Variants in JAZF1 observed in about 807,000 individuals in gnomAD.
JAZF1 encodes juxtaposed with another zinc finger protein 1.
JAZF1 carries 8 observed loss-of-function variants against 26.4 expected under a neutral mutation model. The ratio of observed to expected loss-of-function variants is 0.30; its 90% confidence interval spans 0.18 to 0.55. The LOEUF (loss-of-function observed/expected upper bound fraction) is 0.55, where lower values mean the gene tolerates loss of function less well. Among genes scored for constraint, JAZF1 ranks in the 20% least tolerant of loss-of-function variants. The pLI is 0.94. For missense variants in JAZF1, 199 were observed against 322.0 expected, an observed-to-expected ratio of 0.62 and a Z score of 2.92; for synonymous variants, 126 against 122.3, an observed-to-expected ratio of 1.03 and a Z score of -0.20.
At position 27,833,044 on chromosome 7, in the gene JAZF1, A is replaced by G. The variant is rs185492546; in HGVS notation, c.556-68T>C. On this transcript the variant is annotated intron_variant, in intron 4 of 4. Transcript: ENST00000283928. ...TACCTGTCAAACTTCGGAAACCTCA[A>G]TTTGGGTCTGGATTGCAGTTCCTGG... 1.9e-5 allele frequency: 25 copies of G among 1,338,932 alleles called. No homozygotes were observed. In the Admixed American group the frequency reaches 2.9e-4, roughly 15 times the overall value. The allele number at this position is 1,338,932 out of a possible 1,614,324, so 82.9% of individuals were successfully genotyped here.
intron 2 of JAZF1, among the ~76,000 whole-genome samples, chr7:27,897,737 T>C (rs1182836263): frequency 1.3e-5 from 2 of 152,194 alleles, no homozygotes; most frequent in Admixed American, 6.5e-5. Flanking sequence ...TTGGCTCCTA[T>C]GGGGCGTGAG....
intron 1 of JAZF1, among the ~76,000 whole-genome samples, chr7:28,063,497 C>A (rs1783832501): frequency 6.6e-6 from 1 of 151,934 alleles, no homozygotes; most frequent in Admixed American, 6.6e-5. Flanking sequence ...AAATTTCCTC[C>A]AAAAAAATCA....
At chr7:27,852,197 T>C (rs1040302174) in intron 3 of JAZF1, among the ~76,000 whole-genome samples, 2 of 151,534 alleles carry the variant, frequency 1.3e-5, no homozygotes, top group South Asian at 4.2e-4. Context: ...AGTGGAGCGA[T>C]CTGAGCTCAC....
In JAZF1 at chr7:27,986,126, G is replaced by GAGAA. The variant is rs540570652; in HGVS notation, c.188+5779_188+5782dup. Among the ~76,000 whole-genome samples, 153 of 152,308 alleles carry GAGAA rather than the reference G, an allele frequency of 1.0e-3. 1 individual carries two copies. Among genetic ancestry groups the GAGAA allele is most frequent in the African/African-American group, 3.3e-3 (139 of 41,566 alleles). ...AGCTCTGGCCAGGGCAATCAGGCAAGAGAAAGAAATAAAGGGTATTCAATT... is the reference window on the plus strand; with the variant it reads ...AGCTCTGGCCAGGGCAATCAGGCAAGAGAAAGAAAGAAATAAAGGGTATTCAATT... On this transcript the variant is annotated intron_variant, in intron 2 of 4. Transcript: ENST00000283928.
At chr7:28,110,615 A>AAAAGGG (rs1784645470) in intron 1 of JAZF1, among the ~76,000 whole-genome samples, 1 of 128,446 alleles carries the variant, frequency 7.8e-6, no homozygotes, top group African/African-American at 3.0e-5. Context: ...AAAGGAAAGG[A>AAAAGGG]AAAGGAAAGG....
chr7:28,126,009 C>T (rs1457697770), intron 1 of JAZF1, among the ~76,000 whole-genome samples: 1 of 152,090 alleles, frequency 6.6e-6, no homozygotes, highest in Non-Finnish European at 1.5e-5. Flanking sequence ...CAAACAAATT[C>T]CCTACAAGAC....
intron 1 of JAZF1, among the ~76,000 whole-genome samples, chr7:28,177,894 G>T (rs1457134547): frequency 6.6e-6 from 1 of 152,110 alleles, no homozygotes; most frequent in Admixed American, 6.5e-5. Flanking sequence ...TTCTTCTTAA[G>T]ATCAGTTCTT....
chr7:27,928,632 G>C (rs1340225295), intron 2 of JAZF1, among the ~76,000 whole-genome samples: 1 of 152,166 alleles, frequency 6.6e-6, no homozygotes, highest in Non-Finnish European at 1.5e-5. Context: ...CCTTCTAACA[G>C]AGCAAGCACA....
chr7:28,146,958 A>T (rs1583584852), intron 1 of JAZF1, among the ~76,000 whole-genome samples: 4 of 151,074 alleles, frequency 2.6e-5, no homozygotes, highest in Admixed American at 2.6e-4. Flanking sequence ...CTGGGTTCAA[A>T]CAATTCTTCT....
At chr7:27,991,568 C>T (rs1463859716) in intron 2 of JAZF1, among the ~76,000 whole-genome samples, 1 of 152,140 alleles carries the variant, frequency 6.6e-6, no homozygotes, top group Non-Finnish European at 1.5e-5. Flanking sequence ...TCATAAAGTA[C>T]TTCTTCACCT....
At chr7:27,914,636 CAA>C (rs1784414904) in intron 2 of JAZF1, 2 of 437,582 alleles carry the variant, frequency 4.6e-6, no homozygotes, top group Non-Finnish European at 9.6e-6. Flanking sequence ...CAGCCAAGGA[CAA>C]GAGTGCTGTG....
Position 28,044,740 on chromosome 7 carries a change from A to C in JAZF1, c.116-52759T>G, listed in dbSNP as rs76394188. On this transcript the variant is annotated intron_variant, in intron 1 of 4. Transcript: ENST00000283928. ...GATGTCATTTACTGGTGATACTAAC[A>C]GTGTGACAGTTACAGTGAAAAAGGT... is the stretch of plus-strand genomic sequence containing the variant. Among the ~76,000 whole-genome samples, 793 of 152,358 alleles carry C rather than the reference A, an allele frequency of 5.2e-3. 4 individuals are homozygous for C. Among genetic ancestry groups the C allele is most frequent in the Middle Eastern group, 0.014 (4 of 294 alleles).
intron 1 of JAZF1, among the ~76,000 whole-genome samples, chr7:28,113,611 T>C (rs550982319): frequency 3.9e-5 from 6 of 152,358 alleles, no homozygotes; most frequent in Non-Finnish European, 5.9e-5. Context: ...CCTGCATTCA[T>C]TCACCTCTTG....
At chr7:28,168,329 C>T (rs1303748263) in intron 1 of JAZF1, among the ~76,000 whole-genome samples, 1 of 143,334 alleles carries the variant, frequency 7.0e-6, no homozygotes, top group East Asian at 2.1e-4. Flanking sequence ...TTGCAGTGAG[C>T]TGCGACGCGC....
intron 2 of JAZF1, among the ~76,000 whole-genome samples, chr7:27,981,286 A>G (rs1426460370): frequency 6.6e-6 from 1 of 152,212 alleles, no homozygotes; most frequent in Non-Finnish European, 1.5e-5. Flanking sequence ...GAACCCATCA[A>G]ATGACATCTA....
intron 1 of JAZF1, among the ~76,000 whole-genome samples, chr7:28,173,880 TAAAAAAA>T (rs58075065): frequency 2.1e-5 from 2 of 93,132 alleles, no homozygotes; most frequent in Non-Finnish European, 4.2e-5. Context: ...CAGCTAGCTT[TAAAAAAA>T]AAAAAAAAAA....
At chr7:27,834,884 G>T (rs764486916) in intron 4 of JAZF1, among the ~76,000 whole-genome samples, 1 of 152,202 alleles carries the variant, frequency 6.6e-6, no homozygotes, top group Non-Finnish European at 1.5e-5. Flanking sequence ...TTGTGTGTGT[G>T]AGAGAGACAG....
intron 1 of JAZF1, among the ~76,000 whole-genome samples, chr7:28,162,927 A>G (rs567033341): frequency 6.6e-6 from 1 of 152,348 alleles, no homozygotes; most frequent in South Asian, 2.1e-4. Context: ...AAACATCTGA[A>G]TACGATTCAG....
intron 3 of JAZF1, among the ~76,000 whole-genome samples, chr7:27,882,472 G>A (rs779572351): frequency 2.0e-5 from 3 of 152,144 alleles, no homozygotes; most frequent in Non-Finnish European, 4.4e-5. Flanking sequence ...TGGTTGCAAG[G>A]TGCCAGACAT....
Sources: allele counts gnomAD v4.1 joint callset (sites outside exome capture counted in the v4.1 genomes callset), GRCh38; gene constraint gnomAD v4.1.1; transcripts MANE v1.5; gene names NCBI Gene and HGNC (gene_info 2026-07-23, HGNC 2026-07-21).